CCNB3: variants seen among roughly 807,000 people sequenced by gnomAD.
CCNB3 encodes cyclin B3, also known as G2/mitotic-specific cyclin-B3.
A neutral mutation model predicts 68.0 loss-of-function variants in CCNB3; 12 were observed. The observed-to-expected ratio is 0.18, with a 90% CI of 0.11 to 0.29. CCNB3 has a LOEUF of 0.29. Ranked by LOEUF, CCNB3 falls within the 10% of genes least tolerant of loss-of-function variation. The probability of loss-of-function intolerance (pLI) is 1.00; values close to 1 mark genes in which losing one functional copy is unlikely to be tolerated. For missense variants in CCNB3, 904 were observed against 993.1 expected, an observed-to-expected ratio of 0.91 and a Z score of 1.21; for synonymous variants, 354 against 388.9, an observed-to-expected ratio of 0.91 and a Z score of 1.06.
At position 50,298,716 on chromosome X, in the gene CCNB3, C is replaced by G. The variant is rs868935755; in HGVS notation, c.335+3723C>G. On this transcript the variant is annotated intron_variant, in intron 5 of 12. Coordinates refer to ENST00000376042, the MANE Select transcript of CCNB3 (RefSeq NM_033031.3). Reference sequence around the variant, plus strand: ...AGTTTCAGAAGGAATGGTACCAGCTCCTCCTTGTACCTCTGGTAGAATTCG... The same window carrying G: ...AGTTTCAGAAGGAATGGTACCAGCTGCTCCTTGTACCTCTGGTAGAATTCG... Among the ~76,000 whole-genome samples, 247 of 111,291 alleles carry G rather than the reference C, an allele frequency of 2.2e-3. 1 individual carries two copies. Among genetic ancestry groups the G allele is most frequent in the African/African-American group, 7.7e-3 (236 of 30,597 alleles).
chrX:50,227,948 A>G (rs1404987474), intron 1 of CCNB3, among the ~76,000 whole-genome samples: 2 of 83,359 alleles, frequency 2.4e-5, no homozygotes, highest in Non-Finnish European at 4.4e-5. Flanking sequence ...ATAAATATAT[A>G]GAGAGAATAT....
At chrX:50,227,553 G>T (rs997731592) in intron 1 of CCNB3, among the ~76,000 whole-genome samples, 2 of 51,382 alleles carry the variant, frequency 3.9e-5, no homozygotes, top group African/African-American at 1.4e-4. Flanking sequence ...TATAGAGAGA[G>T]ATATAAATAC....
intron 5 of CCNB3, among the ~76,000 whole-genome samples, chrX:50,300,125 C>T (rs1025650335): frequency 4.5e-5 from 5 of 111,582 alleles, no homozygotes; most frequent in Non-Finnish European, 9.4e-5. Context: ...AGCATTTACC[C>T]CATTTACATT....
intron 1 of CCNB3, among the ~76,000 whole-genome samples, chrX:50,220,632 C>T (rs1467808769): frequency 1.8e-5 from 2 of 111,650 alleles, no homozygotes; most frequent in Non-Finnish European, 3.8e-5. Flanking sequence ...CCAACTTGAT[C>T]GTGGTGGATA....
chrX:50,298,951 T>C (rs1274853658), intron 5 of CCNB3, among the ~76,000 whole-genome samples: 1 of 112,112 alleles, frequency 8.9e-6, no homozygotes, highest in African/African-American at 3.2e-5. Context: ...TGATGGTAGT[T>C]TGTATTTCTG....
rs782607954 is a variant in CCNB3 at position 50,310,091 on chromosome X, C to T, written c.1922C>T (p.Ala641Val). Residue 641 changes from alanine to valine, a missense_variant, in exon 6 of 13, where the codon GCA (alanine) becomes GTA (valine). By Grantham distance (64) the Ala-to-Val change is moderately conservative. This residue lies in a region of CCNB3 where 619 missense variants were observed against 609.8 expected (regional missense o/e 1.02). Coordinates refer to ENST00000376042, the MANE Select transcript of CCNB3 (RefSeq NM_033031.3). ...EEKFLSQEPSALKEKHTTLQE... is the reference protein window; with the variant it reads ...EEKFLSQEPSVLKEKHTTLQE... ...AAGTTCCTCTCCCAGGAACCATCTG[C>T]ATTGAAAGAGAAGCATACCACCTTG... The T allele has an allele frequency of 1.6e-5, 19 of 1,210,863 alleles. No homozygotes were observed. The highest frequency in any genetic ancestry group is 2.0e-5 in the Non-Finnish European group (18 of 894,812).
intron 4 of CCNB3, among the ~76,000 whole-genome samples, chrX:50,294,210 G>A (rs1288758534): frequency 1.8e-5 from 2 of 111,079 alleles, no homozygotes; most frequent in African/African-American, 3.3e-5. Context: ...CAAAGTGCTG[G>A]GACTGCAGGC....
chrX:50,295,262 A>T (rs1220815056), intron 5 of CCNB3, among the ~76,000 whole-genome samples: 1 of 111,698 alleles, frequency 9.0e-6, no homozygotes, highest in African/African-American at 3.3e-5. Flanking sequence ...GTCTTTTAGT[A>T]ATTCAGTACC....
intron 1 of CCNB3, among the ~76,000 whole-genome samples, chrX:50,227,845 T>C (rs1229037962): frequency 2.5e-5 from 2 of 80,717 alleles, no homozygotes; most frequent in Admixed American, 3.4e-4. Flanking sequence ...ATATAGAGAA[T>C]ATATAAATAT....
At chrX:50,220,180 G>A (rs998042769) in intron 1 of CCNB3, among the ~76,000 whole-genome samples, 2,587 of 111,224 alleles carry the variant, frequency 0.023, 64 homozygotes, top group African/African-American at 0.081. Flanking sequence ...GAGACGATGG[G>A]GTTTTCTAAA....
At chrX:50,299,225 A>G (rs1354538858) in intron 5 of CCNB3, among the ~76,000 whole-genome samples, 2 of 111,091 alleles carry the variant, frequency 1.8e-5, no homozygotes, top group African/African-American at 6.6e-5. Context: ...TTGTGATGTT[A>G]GGGTGTCCAT....
chrX:50,280,283 G>T (rs902343255), intron 1 of CCNB3, among the ~76,000 whole-genome samples: 10 of 80,179 alleles, frequency 1.2e-4, no homozygotes, highest in Non-Finnish European at 2.4e-4. Context: ...ATAAATATAT[G>T]TATAGAATAT....
intron 1 of CCNB3, among the ~76,000 whole-genome samples, chrX:50,227,516 T>A (rs1935899433): frequency 1.3e-5 from 1 of 74,887 alleles, no homozygotes; most frequent in African/African-American, 4.9e-5. Context: ...TATGTATAAA[T>A]ATATATGGAG....
chrX:50,311,573 T>G, intron 6 of CCNB3, 77 bp downstream of exon 6: 2 of 789,749 alleles, frequency 2.5e-6, no homozygotes, highest in Non-Finnish European at 3.5e-6. Flanking sequence ...CAAAGTTGTT[T>G]TTTTTTTTTT....
intron 8 of CCNB3, among the ~76,000 whole-genome samples, chrX:50,323,573 A>C (rs1363323858): frequency 1.8e-5 from 2 of 112,457 alleles, no homozygotes; most frequent in African/African-American, 6.5e-5. Flanking sequence ...TAATAAAAAA[A>C]ATTTATTACT....
At chrX:50,340,818 G>A (rs1238436514) in intron 8 of CCNB3, among the ~76,000 whole-genome samples, 1 of 111,271 alleles carries the variant, frequency 9.0e-6, no homozygotes, top group Non-Finnish European at 1.9e-5. Context: ...GGATACATAA[G>A]AAAAAGAAAC....
chrX:50,290,326 G>A lies in CCNB3; in HGVS notation c.204+1439G>A, dbSNP rs190697346. On this transcript the variant is annotated intron_variant, in intron 4 of 12. Transcript: ENST00000376042. ...GGTGCTGGCAGATTTGGTATCTGGT[G>A]AGGGCCCGTTCCTCATGGATGACAT... Among the ~76,000 whole-genome samples, 425 of 111,779 alleles carry A rather than the reference G, an allele frequency of 3.8e-3. 4 individuals carry two copies. Among genetic ancestry groups the A allele is most frequent in the African/African-American group, 0.013 (406 of 30,787 alleles).
chrX:50,211,871 A>G (rs1439721812), intron 1 of CCNB3, among the ~76,000 whole-genome samples: 1 of 112,143 alleles, frequency 8.9e-6, no homozygotes, highest in Non-Finnish European at 1.9e-5. Flanking sequence ...ATTTTTGTGT[A>G]TGTCGTATTT....
At chrX:50,225,753 G>A (rs1477751807) in intron 1 of CCNB3, among the ~76,000 whole-genome samples, 1 of 108,504 alleles carries the variant, frequency 9.2e-6, no homozygotes, top group Non-Finnish European at 1.9e-5. Context: ...TCTGAAAGGG[G>A]GGATACTGAG....
Sources: gnomAD v4.1 joint callset for allele counts (sites outside exome capture counted in the v4.1 genomes callset) on GRCh38, gnomAD v4.1.1 for gene constraint, gnomAD v4.1.1 regional missense constraint, MANE v1.5 for transcripts, NCBI Gene and HGNC (gene_info 2026-07-23, HGNC 2026-07-21) for gene names.